Variants in IQSEC1 observed in about 807,000 individuals in gnomAD.
The protein encoded by IQSEC1 is IQ motif and Sec7 domain ArfGEF 1, also known as IQ motif and SEC7 domain-containing protein 1.
Under a neutral mutation model 91.0 loss-of-function variants are expected in IQSEC1, and 31 were observed. The observed-to-expected ratio is 0.34, with a 90% CI of 0.26 to 0.46. The LOEUF (loss-of-function observed/expected upper bound fraction) is 0.46. Among genes scored for constraint, IQSEC1 ranks in the 20% least tolerant of loss-of-function variants. IQSEC1 has a pLI of 1.00. For synonymous variants in IQSEC1, 699 were observed against 662.6 expected (o/e 1.05, Z -0.84); for missense variants, 1,388 against 1,575.6 (o/e 0.88, Z 2.02).
At chr3:13,222,201 C>G (rs1013662297) in intron 1 of IQSEC1, among the ~76,000 whole-genome samples, 3 of 140,594 alleles carry the variant, frequency 2.1e-5, no homozygotes, top group Non-Finnish European at 4.6e-5. Flanking sequence ...AATGTGACTA[C>G]TCCAGGGACC....
chr3:13,184,673 C>T (rs897713470), intron 1 of IQSEC1, among the ~76,000 whole-genome samples: 2 of 152,182 alleles, frequency 1.3e-5, no homozygotes, highest in Non-Finnish European at 2.9e-5. Context: ...CATGCACAAG[C>T]GACAGGATTC....
intron 2 of IQSEC1, among the ~76,000 whole-genome samples, chr3:13,127,838 T>C (rs1706543457): frequency 6.6e-6 from 1 of 152,268 alleles, no homozygotes; most frequent in African/African-American, 2.4e-5. Flanking sequence ...TGTTTACATA[T>C]ACAAATCCCA....
intron 1 of IQSEC1, among the ~76,000 whole-genome samples, chr3:12,943,434 TCA>T (rs895093373): frequency 2.6e-5 from 4 of 152,144 alleles, no homozygotes; most frequent in Non-Finnish European, 5.9e-5. Context: ...GCGAGTTATG[TCA>T]CAGTTTCCAA....
chr3:13,120,078 C>T (rs1706399313), intron 2 of IQSEC1, among the ~76,000 whole-genome samples: 2 of 152,344 alleles, frequency 1.3e-5, no homozygotes, highest in South Asian at 2.1e-4. Context: ...ACTCACCTGG[C>T]ACAGGGACAC....
intron 1 of IQSEC1, among the ~76,000 whole-genome samples, chr3:13,037,178 G>A (rs1183933109): frequency 6.6e-6 from 1 of 152,106 alleles, no homozygotes; most frequent in Non-Finnish European, 1.5e-5. Flanking sequence ...AAAGAATGTG[G>A]GGACATGGGA....
chr3:13,192,106 C>A (rs1171612121), intron 1 of IQSEC1, among the ~76,000 whole-genome samples: 1 of 152,028 alleles, frequency 6.6e-6, no homozygotes, highest in Non-Finnish European at 1.5e-5. Flanking sequence ...GAGGCCGAGG[C>A]GGGCGGATCA....
chr3:13,067,418 G>A lies in IQSEC1; in HGVS notation c.23+5574C>T, dbSNP rs143966330. On this transcript the variant is annotated intron_variant, in intron 1 of 13. Transcript: ENST00000613206. ...GTCTGGTCCACAGGCATTGGGTGGG[G>A]GGCTCCCAGCCACTGTGGGACAAGT... Among the ~76,000 whole-genome samples the A allele has an allele frequency of 7.7e-3, 1,169 of 152,348 alleles. 11 individuals carry two copies. Among genetic ancestry groups the A allele is most frequent in the African/African-American group, 0.024 (1,012 of 41,574 alleles).
intron 13 of IQSEC1, among the ~76,000 whole-genome samples, chr3:12,901,786 A>T (rs1159582134): frequency 2.6e-5 from 4 of 152,182 alleles, no homozygotes; most frequent in Admixed American, 1.3e-4. Context: ...CCACGGCAGA[A>T]GTAGGACTTC....
intron 1 of IQSEC1, among the ~76,000 whole-genome samples, chr3:13,241,328 C>T (rs941458566): frequency 1.3e-5 from 2 of 152,200 alleles, no homozygotes; most frequent in East Asian, 1.9e-4. Context: ...TTTCGAAGGA[C>T]GACCTGGAAA....
intron 2 of IQSEC1, among the ~76,000 whole-genome samples, chr3:13,160,339 T>G (rs1206280759): frequency 2.0e-5 from 3 of 152,088 alleles, no homozygotes. Flanking sequence ...AAATTTATTT[T>G]TGGTAGAGAC....
chr3:13,271,666 C>T (rs984615931), intron 1 of IQSEC1, among the ~76,000 whole-genome samples: 1 of 151,672 alleles, frequency 6.6e-6, no homozygotes, highest in African/African-American at 2.4e-5. Flanking sequence ...CATGGTGGTG[C>T]ACACCTGTAG....
chr3:12,970,024 C>G lies in IQSEC1; in HGVS notation c.24-28159G>C, dbSNP rs1018144684. Among the ~76,000 whole-genome samples the G allele has an allele frequency of 2.0e-5, 3 of 152,342 alleles. No individual in the cohort carries two copies. The South Asian group carries it at 6.2e-4, about 32-fold the overall frequency. Reference sequence around the variant, plus strand: ...TTTCTGCAGAAATGACCAGACTGGTCAGAATCCTTGCATGCACCATTCAGG... The same window carrying G: ...TTTCTGCAGAAATGACCAGACTGGTGAGAATCCTTGCATGCACCATTCAGG... On this transcript the variant is annotated intron_variant, in intron 1 of 13. Transcript: ENST00000613206. This position sits in a 1 kb window ranked among gnomAD's most constrained non-coding sequence, Gnocchi z 4.4.
In IQSEC1 at chr3:12,898,355, T is replaced by TG. The variant is rs1194556683; in HGVS notation, c.*2627dup. ...TGATAAGCTTGCAAATAAAACAGAA[T>TG]GAAACCTCACTAGCCTGAAGGAACA... is the stretch of plus-strand genomic sequence containing the variant. On this transcript the variant is annotated 3_prime_UTR_variant, in exon 14 of 14. Transcript: ENST00000613206. The TG allele has an allele frequency of 6.6e-6, 1 of 152,252 alleles. No individual in the cohort carries two copies. The highest frequency in any genetic ancestry group is 1.5e-5 in the Non-Finnish European group (1 of 68,046). The allele number at this position is 152,252 out of a possible 1,614,324, so 9.4% of individuals were successfully genotyped here.
At chr3:13,154,438 C>CACATATATAT (rs1277879413) in intron 2 of IQSEC1, among the ~76,000 whole-genome samples, 1,202 of 20,740 alleles carry the variant, frequency 0.058, 242 homozygotes, top group Non-Finnish European at 0.069. Context: ...AACTTACATG[C>CACATATATAT]ATATATATAT....
chr3:13,218,052 C>T (rs1277836283), intron 1 of IQSEC1, among the ~76,000 whole-genome samples: 4 of 152,214 alleles, frequency 2.6e-5, no homozygotes, highest in Non-Finnish European at 4.4e-5. Flanking sequence ...GTCAGGTGCA[C>T]CCCTGGCTTC....
Position 12,899,242 on chromosome 3 carries a change from C to A in IQSEC1, c.*1741G>T. ...GTGACACACAGCCAGAGGGGGCTCC[C>A]CTCTCCTCCTGCCGTCCGGCCACGG... On this transcript the variant is annotated 3_prime_UTR_variant, in exon 14 of 14. Transcript: ENST00000613206. 1 of 859,148 alleles carries A rather than the reference C, an allele frequency of 1.2e-6. No individual in the cohort carries two copies. Among genetic ancestry groups the A allele is most frequent in the South Asian group, 1.7e-5 (1 of 57,712 alleles). The allele number at this position is 859,148 out of a possible 1,614,324, so 53.2% of individuals were successfully genotyped here. A position where few individuals can be genotyped will look rare whatever the true frequency, so the allele number is the denominator to read the frequency against.
Position 13,189,990 on chromosome 3 carries a change from G to A in IQSEC1, c.273-25857C>T, listed in dbSNP as rs1357965631. 2.0e-5 allele frequency among the ~76,000 whole-genome samples: 3 copies of A among 152,304 alleles called. No individual in the cohort carries two copies. In the East Asian group the frequency reaches 5.8e-4, roughly 29 times the overall value. ...CCGTCATGCCTGGAGAGCCAGCTCT[G>A]AAGCTGCCCAAGCAGCTCATGGCCC... On this transcript the variant is annotated intron_variant, in intron 1 of 15. Transcript: ENST00000648114.
intron 2 of IQSEC1, among the ~76,000 whole-genome samples, chr3:13,147,203 G>A (rs1000332179): frequency 6.6e-6 from 1 of 152,150 alleles, no homozygotes; most frequent in Admixed American, 6.5e-5. Flanking sequence ...GTGTACAAGC[G>A]GTTTTTGGTT....
In IQSEC1 at chr3:12,994,572, A is replaced by C. The variant is rs1576133265; in HGVS notation, c.24-52707T>G. On this transcript the variant is annotated intron_variant, in intron 1 of 13. Coordinates refer to ENST00000613206, the MANE Select transcript of IQSEC1 (RefSeq NM_001134382.3). The surrounding 1 kb of genome is among the most constrained non-coding windows in gnomAD (Gnocchi z 4.5). The stretch of plus-strand genomic sequence containing the variant: ...ACAGCGAACAAACGCACCTCAGGCC[A>C]AGTCCCCCGGCTCCTCCGAGGGAAA... 6.6e-6 allele frequency among the ~76,000 whole-genome samples: 1 copy of C among 152,018 alleles called. No homozygotes were observed. Among genetic ancestry groups the C allele is most frequent in the African/African-American group, 2.4e-5 (1 of 41,452 alleles).
Sources: gnomAD v4.1 joint callset for allele counts (sites outside exome capture counted in the v4.1 genomes callset) on GRCh38, gnomAD v4.1.1 for gene constraint, Gnocchi (gnomAD v3.1) non-coding constraint, MANE v1.5 for transcripts, NCBI Gene and HGNC (gene_info 2026-07-23, HGNC 2026-07-21) for gene names.